Variants in CLSPN observed in about 807,000 individuals in gnomAD.
CLSPN encodes the protein claspin homolog.
Under a neutral mutation model 156.3 loss-of-function variants are expected in CLSPN, and 85 were observed. The ratio of observed to expected loss-of-function variants is 0.54; its 90% confidence interval spans 0.46 to 0.65. The LOEUF (loss-of-function observed/expected upper bound fraction) is 0.65, where lower values mean the gene tolerates loss of function less well. Among genes scored for constraint, CLSPN ranks in the 30% least tolerant of loss-of-function variants. The pLI is 0.00. For missense variants in CLSPN, 1,407 were observed against 1,554.9 expected, an observed-to-expected ratio of 0.90 and a Z score of 1.60; for synonymous variants, 534 against 542.4, an observed-to-expected ratio of 0.98 and a Z score of 0.22.
chr1:35,747,861 C>A, intron 14 of CLSPN, 46 bp downstream of exon 14: 1 of 1,560,704 alleles, frequency 6.4e-7, no homozygotes, highest in South Asian at 1.2e-5. Context: ...CAAAATTAAG[C>A]AGTACCCAGC....
chr1:35,753,646 A>G, intron 9 of CLSPN, 99 bp downstream of exon 9: 1 of 1,184,104 alleles, frequency 8.4e-7, no homozygotes, highest in Non-Finnish European at 1.2e-6. Flanking sequence ...TCCAAGGAAA[A>G]AGATTCTATA....
intron 18 of CLSPN, among the ~76,000 whole-genome samples, chr1:35,741,973 CAAAAAAAAAAAAAAAA>C (rs767602385): frequency 1.6e-4 from 9 of 55,664 alleles, no homozygotes; most frequent in Non-Finnish European, 2.2e-4. Flanking sequence ...GACTCCGTCT[CAAAAAAAAAAAAAAAA>C]AAAAAAAAAA....
chr1:35,753,190 C>T (rs1236881033), intron 9 of CLSPN, among the ~76,000 whole-genome samples: 3 of 152,146 alleles, frequency 2.0e-5, no homozygotes, highest in Non-Finnish European at 2.9e-5. Flanking sequence ...CCTCCTGGCT[C>T]AAATGATCCT....
At chr1:35,761,018 A>G (rs1171124495) in intron 7 of CLSPN, 78 bp downstream of exon 7, 3 of 1,421,410 alleles carry the variant, frequency 2.1e-6, no homozygotes, top group Non-Finnish European at 9.9e-7. Context: ...GGAGTGAGAA[A>G]TCTGAACTTT....
Position 35,732,251 on chromosome 1 carries a change from C to T in CLSPN, c.*4245G>A, listed in dbSNP as rs1641335805. The T allele has an allele frequency of 4.1e-6, 4 of 985,292 alleles. No homozygotes were observed. Among genetic ancestry groups the T allele is most frequent in the Non-Finnish European group, 4.8e-6 (4 of 829,852 alleles). 61.0% of individuals were successfully genotyped at this position (985,292 alleles called of 1,614,324 possible). A position where few individuals can be genotyped will look rare whatever the true frequency, so the allele number is the denominator to read the frequency against. ...ACATAATCAAATAGTATCATGGGAA[C>T]ACTCCTCCCAGAAATACTCTCCTCT... On this transcript the variant is annotated 3_prime_UTR_variant, in exon 25 of 25. Coordinates refer to ENST00000318121, the MANE Select transcript of CLSPN (RefSeq NM_022111.4).
intron 10 of CLSPN, among the ~76,000 whole-genome samples, chr1:35,750,520 G>A (rs1310703420): frequency 1.3e-5 from 2 of 151,672 alleles, no homozygotes; most frequent in Non-Finnish European, 1.5e-5. Flanking sequence ...TCCTGCCTGA[G>A]TAGCTGGGAT....
intron 9 of CLSPN, among the ~76,000 whole-genome samples, chr1:35,752,930 G>A (rs1352160994): frequency 1.3e-5 from 2 of 152,140 alleles, no homozygotes; most frequent in African/African-American, 4.8e-5. Flanking sequence ...TTATCTTTGG[G>A]AAGACTAGTT....
At position 35,748,546 on chromosome 1, in the gene CLSPN, C is replaced by T. The variant is rs764399649; in HGVS notation, c.2331G>A (p.Glu777=). 90 of 1,614,066 alleles carry T rather than the reference C, an allele frequency of 5.6e-5. No individual in the cohort carries two copies. The highest frequency in any genetic ancestry group is 6.8e-5 in the Non-Finnish European group (80 of 1,180,048). The change falls in exon 13 of 25, where the codon GAG becomes GAA. Residue 777 remains glutamate (E), a synonymous_variant. Transcript: ENST00000318121. ...TKESSHNSSF[E]LIGSTIPSYQ... is the part of the protein sequence containing the mutation. ...AGGATGGAATCGTGGAGCCAATCAGCTCAAAGCTGCTATTGTGGCTGCTCT... is the reference window on the plus strand; with the variant it reads ...AGGATGGAATCGTGGAGCCAATCAGTTCAAAGCTGCTATTGTGGCTGCTCT...
intron 6 of CLSPN, 70 bp downstream of exon 6, chr1:35,761,928 C>A (rs1642491508): frequency 9.8e-7 from 1 of 1,021,840 alleles, no homozygotes; most frequent in Non-Finnish European, 1.5e-6. Flanking sequence ...AAATAAAAGT[C>A]CCCAACATCC....
chr1:35,765,389 G>T, intron 1 of CLSPN, 63 bp from the exon 2 acceptor site: 1 of 1,079,280 alleles, frequency 9.3e-7, no homozygotes. Context: ...AGTACATAAT[G>T]ACACACAAAT....
intron 22 of CLSPN, 59 bp downstream of exon 22, chr1:35,737,933 C>T (rs1284433951): frequency 1.0e-6 from 1 of 958,344 alleles, no homozygotes; most frequent in Non-Finnish European, 1.5e-6. Flanking sequence ...AGAGTCACCT[C>T]CAAAGCTCTA....
Position 35,736,573 on chromosome 1 carries a change from G to C in CLSPN, c.3943C>G (p.Pro1315Ala), listed in dbSNP as rs748344213. ...KKRGPSFMTSPSPKHLKTDDS... is the reference protein window; with the variant it reads ...KKRGPSFMTSASPKHLKTDDS... ...TCTGTTTTGAGGTGCTTAGGTGAAG[G>C]AGAAGTCATGAAAGATGGACCCCTT... Residue 1315 changes from proline (P) to alanine (A), a missense_variant, in exon 25 of 25, where the codon CCT becomes GCT. Pro to Ala is a conservative substitution (Grantham distance 27). Transcript: ENST00000318121. 6.2e-7 allele frequency: 1 copy of C among 1,612,498 alleles called. No individual in the cohort carries two copies. The highest frequency in any genetic ancestry group is 8.5e-7 in the Non-Finnish European group (1 of 1,179,428).
Position 35,734,757 on chromosome 1 carries a change from T to G in CLSPN, c.*1739A>C, listed in dbSNP as rs1408214194. The G allele has an allele frequency of 3.0e-6, 3 of 983,788 alleles. No individual in the cohort carries two copies. Among genetic ancestry groups the G allele is most frequent in the Non-Finnish European group, 3.6e-6 (3 of 828,900 alleles). 60.9% of individuals were successfully genotyped at this position (983,788 alleles called of 1,614,324 possible). ...AACTGTAAAAAACCTACAACCTAAT[T>G]GCATCAATTAAATTGGTGTTCCCAT... On this transcript the variant is annotated 3_prime_UTR_variant, in exon 25 of 25. Transcript: ENST00000318121.
intron 18 of CLSPN, among the ~76,000 whole-genome samples, chr1:35,741,575 CA>C (rs1641692094): frequency 1.3e-5 from 2 of 152,200 alleles, no homozygotes; most frequent in Admixed American, 6.5e-5. Context: ...CTCAGCTTCC[CA>C]AAGTGCTGAG....
At chr1:35,722,979 C>A (rs892930517) in intron 24 of CLSPN, among the ~76,000 whole-genome samples, 6 of 152,174 alleles carry the variant, frequency 3.9e-5, no homozygotes, top group African/African-American at 1.4e-4. Context: ...AATATTCTAG[C>A]ACTGTATAAT....
chr1:35,757,012 A>G (rs1469901349), intron 8 of CLSPN, among the ~76,000 whole-genome samples: 3 of 152,188 alleles, frequency 2.0e-5, no homozygotes, highest in African/African-American at 7.2e-5. Context: ...TCTTCACTTC[A>G]GCCAGGGAGA....
intron 16 of CLSPN, 106 bp from the exon 17 acceptor site, chr1:35,743,636 T>G: frequency 1.2e-6 from 1 of 814,276 alleles, no homozygotes; most frequent in Non-Finnish European, 2.0e-6. Flanking sequence ...AATTTTTTTT[T>G]TTTCTCTGAG....
intron 24 of CLSPN, among the ~76,000 whole-genome samples, chr1:35,726,901 G>A (rs544916145): frequency 6.6e-6 from 1 of 152,314 alleles, no homozygotes; most frequent in South Asian, 2.1e-4. Flanking sequence ...TTTTAGTCAG[G>A]AGGGTGAACA....
chr1:35,740,392 T>G (rs933006866), intron 18 of CLSPN, among the ~76,000 whole-genome samples: 1 of 152,050 alleles, frequency 6.6e-6, no homozygotes, highest in African/African-American at 2.4e-5. Flanking sequence ...GAAAACTGAT[T>G]TTTATCGAAG....
Sources: gnomAD v4.1 joint callset for allele counts (sites outside exome capture counted in the v4.1 genomes callset) on GRCh38, gnomAD v4.1.1 for gene constraint, MANE v1.5 for transcripts, NCBI Gene and HGNC (gene_info 2026-07-23, HGNC 2026-07-21) for gene names.